The following ARHGAP12 variants were observed in gnomAD, a reference collection of about 807,000 sequenced individuals.
ARHGAP12 encodes Rho GTPase activating protein 12, also known as rho GTPase-activating protein 12.
A neutral mutation model predicts 108.6 loss-of-function variants in ARHGAP12; 64 were observed. That is an observed-to-expected ratio of 0.59 (90% CI 0.48 to 0.73). The LOEUF is 0.73. Among genes scored for constraint, ARHGAP12 ranks in the 30% least tolerant of loss-of-function variants. The pLI is 0.00. For missense variants in ARHGAP12, 940 were observed against 1,005.9 expected (o/e 0.93, Z 0.89); for synonymous variants, 312 against 337.2 (o/e 0.93, Z 0.82).
chr10:31,917,625 G>C (rs1204136415), intron 1 of ARHGAP12, among the ~76,000 whole-genome samples: 1 of 152,094 alleles, frequency 6.6e-6, no homozygotes, highest in African/African-American at 2.4e-5. Context: ...TCAATTACTT[G>C]CATGTGTTTA....
chr10:31,852,373 C>CA (rs1836716348), intron 6 of ARHGAP12, 144 bp downstream of exon 6: 7 of 684,412 alleles, frequency 1.0e-5, no homozygotes, highest in African/African-American at 5.4e-5. Context: ...TTACACTACT[C>CA]ACAGTATTCA....
At chr10:31,859,359 T>C (rs914982633) in intron 4 of ARHGAP12, among the ~76,000 whole-genome samples, 5 of 152,226 alleles carry the variant, frequency 3.3e-5, no homozygotes, top group African/African-American at 4.8e-5. Context: ...GACCCAGATA[T>C]CCATTAAAGT....
chr10:31,815,939 G>T (rs2799014), intron 13 of ARHGAP12, among the ~76,000 whole-genome samples: 4 of 151,982 alleles, frequency 2.6e-5, no homozygotes, highest in Non-Finnish European at 4.4e-5. Context: ...CACTTGAGGT[G>T]AGGAATTCGA....
intron 1 of ARHGAP12, among the ~76,000 whole-genome samples, chr10:31,928,174 G>GCGCGCGCA (rs149445215): frequency 6.7e-6 from 1 of 149,296 alleles, no homozygotes; most frequent in Admixed American, 6.6e-5. Context: ...GGCCTTTTGC[G>GCGCGCGCA]CACACACACA....
chr10:31,912,487 A>G (rs1406757457), intron 1 of ARHGAP12, among the ~76,000 whole-genome samples: 1 of 152,212 alleles, frequency 6.6e-6, no homozygotes, highest in Non-Finnish European at 1.5e-5. Flanking sequence ...CCTTCCCCAC[A>G]GTGACTACAA....
chr10:31,821,036 G>C (rs896679793), intron 11 of ARHGAP12, among the ~76,000 whole-genome samples: 1 of 152,052 alleles, frequency 6.6e-6, no homozygotes, highest in African/African-American at 2.4e-5. Flanking sequence ...GATAACAAGC[G>C]CATTTTCTAC....
chr10:31,893,911 G>A (rs1838564224), intron 3 of ARHGAP12, among the ~76,000 whole-genome samples: 1 of 152,172 alleles, frequency 6.6e-6, no homozygotes, highest in African/African-American at 2.4e-5. Context: ...GATCAAGTGG[G>A]CTTCATCCCT....
intron 7 of ARHGAP12, among the ~76,000 whole-genome samples, chr10:31,842,991 G>A (rs183871065): frequency 8.5e-5 from 13 of 152,182 alleles, no homozygotes; most frequent in Admixed American, 3.3e-4. Flanking sequence ...GAAACAAAGG[G>A]AATAGAATTC....
At chr10:31,874,817 T>C (rs1837664364) in intron 3 of ARHGAP12, among the ~76,000 whole-genome samples, 1 of 151,538 alleles carries the variant, frequency 6.6e-6, no homozygotes, top group South Asian at 2.1e-4. Context: ...CTACTAAAAA[T>C]ACAGAAATTA....
intron 7 of ARHGAP12, among the ~76,000 whole-genome samples, chr10:31,840,651 C>T (rs1464616096): frequency 6.6e-6 from 1 of 152,032 alleles, no homozygotes; most frequent in Non-Finnish European, 1.5e-5. Flanking sequence ...TGTCTATAAA[C>T]CTGGAGAAGG....
At chr10:31,829,727 A>G (rs547384442) in intron 10 of ARHGAP12, among the ~76,000 whole-genome samples, 36 of 152,366 alleles carry the variant, frequency 2.4e-4, no homozygotes, top group South Asian at 1.4e-3. Flanking sequence ...CAGGTGCAAC[A>G]AAGACCAACG....
At chr10:31,899,878 T>A (rs1410411746) in intron 3 of ARHGAP12, among the ~76,000 whole-genome samples, 2 of 152,184 alleles carry the variant, frequency 1.3e-5, no homozygotes, top group African/African-American at 4.8e-5. Flanking sequence ...AGTTTTGTAC[T>A]TTATTAAAAT....
intron 11 of ARHGAP12, among the ~76,000 whole-genome samples, chr10:31,823,335 G>A (rs561530277): frequency 1.3e-5 from 2 of 152,196 alleles, no homozygotes; most frequent in East Asian, 3.9e-4. Flanking sequence ...GAAAACCAGT[G>A]GAAGGTATCT....
chr10:31,854,317 T>C, intron 4 of ARHGAP12, 111 bp from the exon 5 acceptor site: 6 of 893,832 alleles, frequency 6.7e-6, no homozygotes, highest in Non-Finnish European at 9.7e-6. Context: ...ATATCTTAAA[T>C]ATATCTGAAT....
At chr10:31,901,177 C>T (rs1467795530) in intron 3 of ARHGAP12, among the ~76,000 whole-genome samples, 2 of 149,456 alleles carry the variant, frequency 1.3e-5, no homozygotes, top group African/African-American at 2.5e-5. Flanking sequence ...GATTGCGCCA[C>T]TGCACTCCAC....
intron 4 of ARHGAP12, among the ~76,000 whole-genome samples, chr10:31,856,635 T>C (rs1427389707): frequency 1.3e-5 from 2 of 152,188 alleles, no homozygotes; most frequent in African/African-American, 4.8e-5. Context: ...TAAATATTCA[T>C]AGTTTCTCTA....
At chr10:31,892,169 A>C (rs929903081) in intron 3 of ARHGAP12, among the ~76,000 whole-genome samples, 1 of 152,210 alleles carries the variant, frequency 6.6e-6, no homozygotes, top group African/African-American at 2.4e-5. Flanking sequence ...CCAAATTATA[A>C]AGACCATCGA....
chr10:31,875,877 T>A (rs1478590553), intron 3 of ARHGAP12, among the ~76,000 whole-genome samples: 1 of 152,180 alleles, frequency 6.6e-6, no homozygotes, highest in Non-Finnish European at 1.5e-5. Context: ...CAACCACCAT[T>A]CTACTTTCTG....
intron 11 of ARHGAP12, among the ~76,000 whole-genome samples, chr10:31,825,127 A>T (rs1311643657): frequency 6.6e-6 from 1 of 152,136 alleles, no homozygotes; most frequent in Non-Finnish European, 1.5e-5. Context: ...AACAGAAGAA[A>T]CGATCTAGAA....
Sources: gnomAD v4.1 joint callset for allele counts (sites outside exome capture counted in the v4.1 genomes callset) on GRCh38, gnomAD v4.1.1 for gene constraint, MANE v1.5 for transcripts, NCBI Gene and HGNC (gene_info 2026-07-23, HGNC 2026-07-21) for gene names.